The following ZNF568 variants were observed in gnomAD, a reference collection of about 807,000 sequenced individuals.
ZNF568 encodes the protein p53 inhibitor of SCO2 activation.
ZNF568 carries 11 observed loss-of-function variants against 18.1 expected under a neutral mutation model. That is an observed-to-expected ratio of 0.61 (90% CI 0.38 to 1.00). The LOEUF is 1.00. ZNF568 is among the 50% of genes least tolerant of loss of function. ZNF568 has a pLI of 0.01. For missense variants in ZNF568, 639 were observed against 768.2 expected (o/e 0.83, Z 1.99); for synonymous variants, 213 against 246.6 (o/e 0.86, Z 1.28).
chr19:36,930,953 G>A (rs1217962171), intron 4 of ZNF568, among the ~76,000 whole-genome samples: 1 of 152,148 alleles, frequency 6.6e-6, no homozygotes, highest in Non-Finnish European at 1.5e-5. Context: ...AGTCAGAAAT[G>A]TGTCAGTCAC....
rs1387070062 is a variant in ZNF568, at chr19:36,922,716, C to G, written c.-55C>G. The G allele has an allele frequency of 9.8e-6, 15 of 1,525,822 alleles. No individual in the cohort carries two copies. The highest frequency in any genetic ancestry group is 1.4e-5 in the Non-Finnish European group (15 of 1,103,268). The allele number at this position is 1,525,822 out of a possible 1,614,324, so 94.5% of individuals were successfully genotyped here. A position where few individuals can be genotyped will look rare whatever the true frequency, so the allele number is the denominator to read the frequency against. On this transcript the variant is annotated 5_prime_UTR_variant, in exon 3 of 7. Transcript: ENST00000333987. ...TGGAGAGTCCTGAAAGAGAGTGGAC[C>G]CTGGAGTTGCTGGAGCTTGTCTTGA...
intron 6 of ZNF568, chr19:36,973,889 A>T (rs1420853214): frequency 6.5e-6 from 1 of 152,922 alleles, no homozygotes; most frequent in Non-Finnish European, 1.5e-5. Context: ...GTCTACGCAA[A>T]CCCCAACTGA....
intron 2 of ZNF568, among the ~76,000 whole-genome samples, 158 bp downstream of exon 2, chr19:36,917,806 TCTG>T: frequency 6.6e-6 from 1 of 152,222 alleles, no homozygotes; most frequent in Non-Finnish European, 1.5e-5. Context: ...TAGGTTGGTT[TCTG>T]CTATTATCCT....
At chr19:36,935,922 G>A (rs2073782412) in intron 4 of ZNF568, among the ~76,000 whole-genome samples, 1 of 152,058 alleles carries the variant, frequency 6.6e-6, no homozygotes, top group South Asian at 2.1e-4. Context: ...CTGACAATCT[G>A]TCCTTTTTTT....
chr19:36,981,576 A>C (rs910272626), downstream of ZNF568, among the ~76,000 whole-genome samples: 1 of 152,150 alleles, frequency 6.6e-6, no homozygotes, highest in Non-Finnish European at 1.5e-5. Flanking sequence ...CTTAGATGAC[A>C]TTAACTTTAG....
At chr19:36,974,761 T>C (rs542546516) in intron 7 of ZNF568, among the ~76,000 whole-genome samples, 31 of 152,154 alleles carry the variant, frequency 2.0e-4, no homozygotes, top group African/African-American at 6.0e-4. Flanking sequence ...AATTAGCTTT[T>C]TCAGTCTCAC....
At chr19:36,966,997 T>G (rs2074199786) in intron 6 of ZNF568, among the ~76,000 whole-genome samples, 1 of 152,216 alleles carries the variant, frequency 6.6e-6, no homozygotes, top group African/African-American at 2.4e-5. Flanking sequence ...GTAGCTGTCC[T>G]GATGTGGAAA....
chr19:36,984,550 T>C (rs1202538508), downstream of ZNF568, among the ~76,000 whole-genome samples: 2 of 152,176 alleles, frequency 1.3e-5, no homozygotes, highest in African/African-American at 4.8e-5. Flanking sequence ...ATTTTATGTA[T>C]TGAGTGTTAT....
downstream of ZNF568, chr19:36,997,862 ACAT>A: frequency 2.4e-6 from 1 of 414,786 alleles, no homozygotes; most frequent in African/African-American, 2.0e-5. Context: ...AATTTATTAC[ACAT>A]CATGATACAA....
chr19:36,927,892 TATATA>T (rs1568381545), intron 4 of ZNF568, among the ~76,000 whole-genome samples: 4 of 31,110 alleles, frequency 1.3e-4, no homozygotes, highest in Non-Finnish European at 1.9e-4. Context: ...ATATATTATA[TATATA>T]TATATATTTT....
chr19:36,946,644 G>GT (rs2073969205), intron 6 of ZNF568, among the ~76,000 whole-genome samples: 1 of 121,108 alleles, frequency 8.3e-6, no homozygotes, highest in Non-Finnish European at 1.8e-5. Flanking sequence ...TTTTTTTTTT[G>GT]TTTCCTTTTT....
chr19:36,925,222 C>G lies in ZNF568; in HGVS notation c.99C>G (p.Ala33=). 6.2e-7 allele frequency: 1 copy of G among 1,614,016 alleles called. No individual in the cohort carries two copies. Among genetic ancestry groups the G allele is most frequent in the South Asian group, 1.1e-5 (1 of 91,072 alleles). Residue 33 remains alanine, a synonymous_variant, in exon 4 of 7, where the codon GCC becomes GCG. Coordinates refer to ENST00000333987, the MANE Select transcript of ZNF568 (RefSeq NM_198539.4). ...CAGCTTGGTGTTCTCAAGAGTCTGC[C>G]CTTTCCGAGGAAGAAGAGGATACAA... ...ERKAWCSQES[A]LSEEEEDTTR...
intron 6 of ZNF568, among the ~76,000 whole-genome samples, chr19:36,972,618 AC>A (rs2146332940): frequency 7.9e-6 from 1 of 126,998 alleles, no homozygotes; most frequent in South Asian, 2.5e-4. Context: ...AAACTTAGCC[AC>A]CCGGCTTTAT....
At chr19:36,996,312 T>C in intron 4 of ZNF568, 2 of 1,517,016 alleles carry the variant, frequency 1.3e-6, no homozygotes, top group Non-Finnish European at 1.8e-6. Flanking sequence ...CTTATTATTT[T>C]GCAGATTGGG....
chr19:36,970,698 G>A (rs1009728488), intron 6 of ZNF568, among the ~76,000 whole-genome samples: 1 of 151,836 alleles, frequency 6.6e-6, no homozygotes, highest in Non-Finnish European at 1.5e-5. Flanking sequence ...ATATAAGTTG[G>A]ATATAAATAC....
chr19:36,984,601 T>G (rs2074359893), downstream of ZNF568, among the ~76,000 whole-genome samples: 1 of 152,128 alleles, frequency 6.6e-6, no homozygotes, highest in Non-Finnish European at 1.5e-5. Flanking sequence ...TGGTTCACCA[T>G]TCTTTCTTAC....
intron 6 of ZNF568, among the ~76,000 whole-genome samples, chr19:36,971,874 A>G (rs2551062): frequency 0.57 from 83,676 of 148,054 alleles, 24,369 homozygotes; most frequent in African/African-American, 0.69. Context: ...ATGAAGTCTC[A>G]CTGTCACCAG....
chr19:36,989,087 A>G (rs1332548334), intron 2 of ZNF568, among the ~76,000 whole-genome samples: 1 of 152,148 alleles, frequency 6.6e-6, no homozygotes, highest in African/African-American at 2.4e-5. Flanking sequence ...CAGATTGAAC[A>G]GATTTCTTTT....
intron 7 of ZNF568, chr19:36,974,503 C>G (rs759544713): frequency 1.3e-6 from 2 of 1,526,054 alleles, no homozygotes; most frequent in Non-Finnish European, 1.8e-6. Context: ...AAAGGACTTA[C>G]TGGTTTTCAG....
Sources: allele counts gnomAD v4.1 joint callset (sites outside exome capture counted in the v4.1 genomes callset), GRCh38; gene constraint gnomAD v4.1.1; transcripts MANE v1.5; gene names NCBI Gene and HGNC (gene_info 2026-07-23, HGNC 2026-07-21).